SV2B: variants seen among roughly 807,000 people sequenced by gnomAD.
SV2B encodes synaptic vesicle glycoprotein 2B.
Under a neutral mutation model 73.9 loss-of-function variants are expected in SV2B, and 41 were observed. That is an observed-to-expected ratio of 0.56 (90% CI 0.43 to 0.72). The LOEUF is 0.72. SV2B is among the 30% of genes least tolerant of loss of function. The pLI is 0.00. For synonymous variants in SV2B, 314 were observed against 314.2 expected (o/e 1.00, Z 0.01); for missense variants, 764 against 857.8 (o/e 0.89, Z 1.37).
At chr15:91,135,617 A>G (rs2042797704) in intron 1 of SV2B, among the ~76,000 whole-genome samples, 1 of 152,210 alleles carries the variant, frequency 6.6e-6, no homozygotes, top group Non-Finnish European at 1.5e-5. Context: ...CTGATATGAA[A>G]ATCGAAACCA....
At position 91,300,490 on chromosome 15, in the gene SV2B, C is replaced by G. The variant is rs1457941274; in HGVS notation, c.*7938C>G. ...TTCTTCCTCTTCTACTTCAAAGTAG[C>G]CAAAACTTGGAAAGTTCAAATTAAT... On this transcript the variant is annotated 3_prime_UTR_variant, in exon 13 of 13. Transcript: ENST00000394232. 3.9e-5 allele frequency: 6 copies of G among 152,178 alleles called. No homozygotes were observed. The highest frequency in any genetic ancestry group is 2.6e-4 in the Admixed American group (4 of 15,278). The allele number at this position is 152,178 out of a possible 1,614,324, so 9.4% of individuals were successfully genotyped here. A position where few individuals can be genotyped will look rare whatever the true frequency, so the allele number is the denominator to read the frequency against.
Position 91,137,611 on chromosome 15 carries a change from T to TATATATTTCATATATAC in SV2B, c.-392+37272_-392+37288dup, listed in dbSNP as rs199913795. Among the ~76,000 whole-genome samples, 2 of 146,602 alleles carry TATATATTTCATATATAC rather than the reference T, an allele frequency of 1.4e-5. No homozygotes were observed. The highest frequency in any genetic ancestry group is 2.5e-5 in the African/African-American group (1 of 40,042). On this transcript the variant is annotated intron_variant, in intron 1 of 12. Coordinates refer to ENST00000394232, the MANE Select transcript of SV2B (RefSeq NM_001323032.3). The surrounding 1 kb of genome is among the most constrained non-coding windows in gnomAD (Gnocchi z 4.9). ...TTCTCATATATATATATATTTCATA[T>TATATATTTCATATATAC]ATATATTTCATATATACATATATTT...
At chr15:91,263,850 C>T (rs1042717661) in intron 6 of SV2B, among the ~76,000 whole-genome samples, 4 of 152,264 alleles carry the variant, frequency 2.6e-5, no homozygotes, top group African/African-American at 9.6e-5. Context: ...AGTCTCTCCA[C>T]CTCCTTTCCT....
intron 1 of SV2B, among the ~76,000 whole-genome samples, chr15:91,144,831 G>C (rs150221784): frequency 6.6e-6 from 1 of 151,248 alleles, no homozygotes; most frequent in African/African-American, 2.4e-5. Context: ...ATCTATTTCT[G>C]CCGTGTTAAT....
rs1370246717 is a variant in SV2B, at chr15:91,245,250, C to T, written c.452-6569C>T. On this transcript the variant is annotated intron_variant, in intron 2 of 12. Coordinates refer to ENST00000394232, the MANE Select transcript of SV2B (RefSeq NM_001323032.3). This position sits in a 1 kb window ranked among gnomAD's most constrained non-coding sequence, Gnocchi z 4.2. ...GAGCCACAAACTTGTTGATCTCCTT[C>T]GATCTCATGATTCGATTTCTTGGAA... Among the ~76,000 whole-genome samples, 1 of 152,172 alleles carries T rather than the reference C, an allele frequency of 6.6e-6. No homozygotes were observed. The highest frequency in any genetic ancestry group is 1.5e-5 in the Non-Finnish European group (1 of 68,034).
intron 1 of SV2B, among the ~76,000 whole-genome samples, chr15:91,134,098 A>C (rs901384650): frequency 6.9e-6 from 1 of 144,326 alleles, no homozygotes; most frequent in Non-Finnish European, 1.5e-5. Context: ...TCCTGGGTTC[A>C]AGCAATTCTC....
intron 1 of SV2B, among the ~76,000 whole-genome samples, chr15:91,187,660 G>T (rs200830087): frequency 0.052 from 7,594 of 146,514 alleles, 639 homozygotes; most frequent in African/African-American, 0.18. Context: ...TTTATGTTTT[G>T]TTTTTTTTTT....
intron 1 of SV2B, among the ~76,000 whole-genome samples, chr15:91,119,270 A>G (rs2042260716): frequency 6.6e-6 from 1 of 152,200 alleles, no homozygotes; most frequent in Non-Finnish European, 1.5e-5. Flanking sequence ...AATAGCTCCA[A>G]TGGATGAAGA....
rs533915551 is a variant in SV2B, at chr15:91,128,329, A to G, written c.-392+27966A>G. On this transcript the variant is annotated intron_variant, in intron 1 of 12. Coordinates refer to ENST00000394232, the MANE Select transcript of SV2B (RefSeq NM_001323032.3). This position sits in a 1 kb window ranked among gnomAD's most constrained non-coding sequence, Gnocchi z 4.2. ...CTGTTCTGTTCTTTCCTTGACAATTATCTTTGCAGCTTGTTAGTAAGATTT... is the reference window on the plus strand; with the variant it reads ...CTGTTCTGTTCTTTCCTTGACAATTGTCTTTGCAGCTTGTTAGTAAGATTT... Among the ~76,000 whole-genome samples, 1 of 152,346 alleles carries G rather than the reference A, an allele frequency of 6.6e-6. No individual in the cohort carries two copies. Among genetic ancestry groups the G allele is most frequent in the East Asian group, 1.9e-4 (1 of 5,186 alleles).
chr15:91,289,824 C>T lies in SV2B; in HGVS notation c.1868+144C>T. The T allele has an allele frequency of 1.0e-6, 1 of 1,003,996 alleles. No individual in the cohort carries two copies. Among genetic ancestry groups the T allele is most frequent in the East Asian group, 2.6e-5 (1 of 37,924 alleles). 62.2% of individuals were successfully genotyped at this position (1,003,996 alleles called of 1,614,324 possible). A position where few individuals can be genotyped will look rare whatever the true frequency, so the allele number is the denominator to read the frequency against. ...AACAAACATCTTTTATGTTGAGCTT[C>T]TCCTGCATGGTGGATGGCATAGACC... On this transcript the variant is annotated intron_variant, in intron 12 of 12. Transcript: ENST00000394232. The surrounding 1 kb of genome is among the most constrained non-coding windows in gnomAD (Gnocchi z 4.9).
In SV2B at chr15:91,252,164, G is replaced by A. The variant is rs2047512255; in HGVS notation, c.632+165G>A. Among the ~76,000 whole-genome samples the A allele has an allele frequency of 6.6e-6, 1 of 152,152 alleles. No homozygotes were observed. The highest frequency in any genetic ancestry group is 2.4e-5 in the African/African-American group (1 of 41,432). ...TGAACCTTAGAAAGAGTTAGGGTTA[G>A]GATTAGCCTCTGAAGTCAGCATGCA... On this transcript the variant is annotated intron_variant, in intron 3 of 12. Coordinates refer to ENST00000394232, the MANE Select transcript of SV2B (RefSeq NM_001323032.3). The surrounding 1 kb of genome is among the most constrained non-coding windows in gnomAD (Gnocchi z 4.6).
At chr15:91,203,129 C>G (rs905560605) in intron 1 of SV2B, among the ~76,000 whole-genome samples, 2 of 152,202 alleles carry the variant, frequency 1.3e-5, no homozygotes, top group South Asian at 2.1e-4. Context: ...CCATTGAATA[C>G]AGAACAAATG....
At chr15:91,259,650 A>G (rs918060560) in intron 5 of SV2B, among the ~76,000 whole-genome samples, 2 of 152,178 alleles carry the variant, frequency 1.3e-5, no homozygotes, top group Non-Finnish European at 2.9e-5. Context: ...ACTGTACGGG[A>G]GACTCCTTCC....
At chr15:91,182,844 A>G (rs530348472) in intron 1 of SV2B, among the ~76,000 whole-genome samples, 1 of 152,218 alleles carries the variant, frequency 6.6e-6, no homozygotes, top group South Asian at 2.1e-4. Context: ...CATAAACCAA[A>G]CTCAAATGCA....
intron 1 of SV2B, among the ~76,000 whole-genome samples, chr15:91,108,561 T>C (rs915661815): frequency 6.6e-6 from 1 of 152,230 alleles, no homozygotes; most frequent in Admixed American, 6.5e-5. Flanking sequence ...TGCTGTGTTT[T>C]CTCTGTTGGC....
rs1596590538 is a variant in SV2B, at chr15:91,210,365, T to C, written c.-391-15508T>C. Among the ~76,000 whole-genome samples the C allele has an allele frequency of 3.3e-5, 5 of 151,912 alleles. No homozygotes were observed. The South Asian group carries it at 1.0e-3, about 32-fold the overall frequency. ...GCAGGAGGTGGTAAGTAGTTCGGTC[T>C]AAGCTGCGGAGAGTACAGATGGCAG... On this transcript the variant is annotated intron_variant, in intron 1 of 12. Coordinates refer to ENST00000394232, the MANE Select transcript of SV2B (RefSeq NM_001323032.3).
At chr15:91,174,647 G>C (rs1042828768) in intron 1 of SV2B, among the ~76,000 whole-genome samples, 3 of 152,186 alleles carry the variant, frequency 2.0e-5, no homozygotes, top group Admixed American at 6.5e-5. Flanking sequence ...CTGGAGAAGC[G>C]CCCATGGAGG....
rs2046968209 is a variant in SV2B at position 91,240,521 on chromosome 15, A to G, written c.452-11298A>G. On this transcript the variant is annotated intron_variant, in intron 2 of 12. Coordinates refer to ENST00000394232, the MANE Select transcript of SV2B (RefSeq NM_001323032.3). This position sits in a 1 kb window ranked among gnomAD's most constrained non-coding sequence, Gnocchi z 4.6. ...TCATGGAGCCAACATTTTAATAAAG[A>G]AAAAGGCTAAAAAACCCCAAAAAAC... Among the ~76,000 whole-genome samples the G allele has an allele frequency of 6.6e-6, 1 of 152,186 alleles. No individual in the cohort carries two copies. The highest frequency in any genetic ancestry group is 6.5e-5 in the Admixed American group (1 of 15,276).
chr15:91,149,136 A>G (rs1359976306), intron 1 of SV2B, among the ~76,000 whole-genome samples: 1 of 152,112 alleles, frequency 6.6e-6, no homozygotes, highest in Non-Finnish European at 1.5e-5. Flanking sequence ...TCTCACTTTT[A>G]CCAATCATTG....
Sources: allele counts gnomAD v4.1 joint callset (sites outside exome capture counted in the v4.1 genomes callset), GRCh38; gene constraint gnomAD v4.1.1; non-coding constraint Gnocchi (gnomAD v3.1); transcripts MANE v1.5; gene names NCBI Gene and HGNC (gene_info 2026-07-23, HGNC 2026-07-21).